ANKRD33B: variants seen among roughly 807,000 people sequenced by gnomAD.
ANKRD33B encodes the protein ankyrin repeat domain-containing protein 33B.
In ANKRD33B, 6 loss-of-function variants were observed where a neutral mutation model predicts 21.5. The ratio of observed to expected loss-of-function variants is 0.28; its 90% CI spans 0.15 to 0.55. The LOEUF (loss-of-function observed/expected upper bound fraction) is 0.55, where lower values mean the gene tolerates loss of function less well. Ranked by LOEUF, ANKRD33B falls within the 20% of genes least tolerant of loss-of-function variation. The pLI, the probability that ANKRD33B is intolerant of heterozygous loss-of-function variation, is 0.94. For missense variants in ANKRD33B, 698 were observed against 747.2 expected (o/e 0.93, Z 0.77); for synonymous variants, 347 against 342.4 (o/e 1.01, Z -0.15).
intron 1 of ANKRD33B, among the ~76,000 whole-genome samples, chr5:10,565,386 A>G (rs1446566666): frequency 6.6e-6 from 1 of 152,222 alleles, no homozygotes; most frequent in Non-Finnish European, 1.5e-5. Flanking sequence ...TCGCCGGGAC[A>G]GCTTGGTCCC....
intron 1 of ANKRD33B, among the ~76,000 whole-genome samples, chr5:10,602,414 T>C (rs1192018710): frequency 6.6e-6 from 1 of 152,252 alleles, no homozygotes. Context: ...GTCGTTTGGC[T>C]CAATCATTAG....
chr5:10,629,702 T>G (rs1280882607), intron 2 of ANKRD33B, among the ~76,000 whole-genome samples: 1 of 151,698 alleles, frequency 6.6e-6, no homozygotes, highest in African/African-American at 2.4e-5. Flanking sequence ...GTGTATGAGA[T>G]AAGGAGGGGG....
intron 1 of ANKRD33B, among the ~76,000 whole-genome samples, chr5:10,603,994 A>G (rs973768798): frequency 3.3e-5 from 5 of 151,088 alleles, no homozygotes; most frequent in Non-Finnish European, 7.4e-5. Flanking sequence ...TCCTGGGTTC[A>G]AGCGATTCTC....
At chr5:10,570,025 T>C (rs1042486109) in intron 1 of ANKRD33B, among the ~76,000 whole-genome samples, 13 of 152,124 alleles carry the variant, frequency 8.5e-5, no homozygotes, top group African/African-American at 1.4e-4. Flanking sequence ...TACAGGCATG[T>C]GCCACCATGC....
At chr5:10,574,666 T>A (rs1463269303) in intron 1 of ANKRD33B, among the ~76,000 whole-genome samples, 2 of 152,184 alleles carry the variant, frequency 1.3e-5, no homozygotes, top group Non-Finnish European at 2.9e-5. Context: ...AAATAGATAT[T>A]TTTGACAGTA....
Position 10,619,515 on chromosome 5 carries a change from A to C in ANKRD33B, c.496+1053A>C, listed in dbSNP as rs1345408261. ...GGTGGGGGGCCAGGGAGGCTGGAAA[A>C]CCAGTGTTTGACAGTTTCATCCCCT... On this transcript the variant is annotated intron_variant, in intron 2 of 3. Transcript: ENST00000296657. This position sits in a 1 kb window ranked among gnomAD's most constrained non-coding sequence, Gnocchi z 4.5. 4 of 377,336 alleles carry C rather than the reference A, an allele frequency of 1.1e-5. No individual in the cohort carries two copies. Among genetic ancestry groups the C allele is most frequent in the Non-Finnish European group, 1.5e-5 (4 of 274,314 alleles). 23.4% of individuals were successfully genotyped at this position (377,336 alleles called of 1,614,324 possible). A position where few individuals can be genotyped will look rare whatever the true frequency, so the allele number is the denominator to read the frequency against.
chr5:10,638,608 TAGG>T (rs1736931686), intron 3 of ANKRD33B, among the ~76,000 whole-genome samples: 1 of 152,200 alleles, frequency 6.6e-6, no homozygotes, highest in Non-Finnish European at 1.5e-5. Context: ...ATAGTAACGT[TAGG>T]AGGTGATGTG....
chr5:10,639,575 T>C (rs368402418), intron 3 of ANKRD33B, among the ~76,000 whole-genome samples: 2,169 of 12,476 alleles, frequency 0.17, 291 homozygotes, highest in Non-Finnish European at 0.22. Context: ...GGCGGTGACG[T>C]GGAGTTGCGC....
Position 10,657,613 on chromosome 5 carries a change from T to G in ANKRD33B, c.*7500T>G, listed in dbSNP as rs1229529675. On this transcript the variant is annotated 3_prime_UTR_variant, in exon 4 of 4. Transcript: ENST00000296657. ...TTTGGGACCTACAAATAAATGTGAT[T>G]CCCAGCAGCTTCAATTTTTGATATT... The G allele has an allele frequency of 6.6e-6, 1 of 152,346 alleles. No homozygotes were observed. Among genetic ancestry groups the G allele is most frequent in the Non-Finnish European group, 1.5e-5 (1 of 68,040 alleles). The allele number at this position is 152,346 out of a possible 1,614,324, so 9.4% of individuals were successfully genotyped here. A position where few individuals can be genotyped will look rare whatever the true frequency, so the allele number is the denominator to read the frequency against.
intron 2 of ANKRD33B, among the ~76,000 whole-genome samples, chr5:10,620,578 G>C (rs78001545): frequency 1.3e-5 from 2 of 152,180 alleles, no homozygotes; most frequent in East Asian, 3.8e-4. Flanking sequence ...CTCTTTGTGC[G>C]TTAGAGATAA....
chr5:10,591,438 C>T (rs1735688438), intron 1 of ANKRD33B, among the ~76,000 whole-genome samples: 1 of 152,058 alleles, frequency 6.6e-6, no homozygotes, highest in Non-Finnish European at 1.5e-5. Flanking sequence ...TCTTGATCTG[C>T]CACCCTTGGC....
At chr5:10,570,702 G>A (rs1735162600) in intron 1 of ANKRD33B, among the ~76,000 whole-genome samples, 1 of 152,010 alleles carries the variant, frequency 6.6e-6, no homozygotes, top group Non-Finnish European at 1.5e-5. Context: ...GACTATAGGT[G>A]CACACCTCCA....
intron 2 of ANKRD33B, among the ~76,000 whole-genome samples, chr5:10,622,456 C>G (rs1459130176): frequency 6.6e-6 from 1 of 152,164 alleles, no homozygotes; most frequent in East Asian, 1.9e-4. Context: ...AGTTATTGGT[C>G]TTATAGCACC....
intron 1 of ANKRD33B, among the ~76,000 whole-genome samples, chr5:10,615,850 A>C (rs1236146724): frequency 6.6e-6 from 1 of 152,240 alleles, no homozygotes; most frequent in Non-Finnish European, 1.5e-5. Context: ...GTTTTCCGGC[A>C]CATTTATGCG....
At chr5:10,574,612 A>T (rs903309269) in intron 1 of ANKRD33B, among the ~76,000 whole-genome samples, 1 of 152,240 alleles carries the variant, frequency 6.6e-6, no homozygotes, top group Non-Finnish European at 1.5e-5. Context: ...AATCATGAAG[A>T]TTATAGATCC....
intron 1 of ANKRD33B, among the ~76,000 whole-genome samples, chr5:10,615,791 T>C (rs1736270610): frequency 6.6e-6 from 1 of 152,238 alleles, no homozygotes; most frequent in African/African-American, 2.4e-5. Flanking sequence ...AATATCTCCA[T>C]CCAAAGAAGT....
At position 10,650,311 on chromosome 5, in the gene ANKRD33B, C is replaced by G. The variant is rs1159501312; in HGVS notation, c.*198C>G. 3 of 495,500 alleles carry G rather than the reference C, an allele frequency of 6.1e-6. No homozygotes were observed. Among genetic ancestry groups the G allele is most frequent in the Non-Finnish European group, 9.5e-6 (3 of 314,714 alleles). The allele number at this position is 495,500 out of a possible 1,614,324, so 30.7% of individuals were successfully genotyped here. ...GGAGCCACATGGATTCGCTTGTCGCCAGCCCTCCTAGCAATCAGTACACCT... is the reference window on the plus strand; with the variant it reads ...GGAGCCACATGGATTCGCTTGTCGCGAGCCCTCCTAGCAATCAGTACACCT... On this transcript the variant is annotated 3_prime_UTR_variant, in exon 4 of 4. Coordinates refer to ENST00000296657, the MANE Select transcript of ANKRD33B (RefSeq NM_001164440.2).
At chr5:10,632,585 G>A (rs1736751562) in intron 2 of ANKRD33B, among the ~76,000 whole-genome samples, 1 of 152,026 alleles carries the variant, frequency 6.6e-6, no homozygotes, top group African/African-American at 2.4e-5. Context: ...CCCTCCTCCT[G>A]CCCGGGGTTG....
At chr5:10,610,324 G>C (rs1736141498) in intron 1 of ANKRD33B, among the ~76,000 whole-genome samples, 1 of 152,092 alleles carries the variant, frequency 6.6e-6, no homozygotes, top group African/African-American at 2.4e-5. Context: ...AGGCATTTTG[G>C]GTTGTCATAA....
Sources: gnomAD v4.1 joint callset for allele counts (sites outside exome capture counted in the v4.1 genomes callset) on GRCh38, gnomAD v4.1.1 for gene constraint, Gnocchi (gnomAD v3.1) non-coding constraint, MANE v1.5 for transcripts, NCBI Gene and HGNC (gene_info 2026-07-23, HGNC 2026-07-21) for gene names.